MAP7: variants seen among roughly 807,000 people sequenced by gnomAD.
MAP7 encodes the protein ensconsin.
A neutral mutation model predicts 94.8 loss-of-function variants in MAP7; 52 were observed. The observed-to-expected ratio is 0.55, with a 90% CI of 0.44 to 0.69. The LOEUF is 0.69. MAP7 is among the 30% of genes least tolerant of loss of function. The pLI is 0.00. For missense variants in MAP7, 940 were observed against 964.6 expected (o/e 0.97, Z 0.34); for synonymous variants, 350 against 357.0 (o/e 0.98, Z 0.22).
intron 3 of MAP7, among the ~76,000 whole-genome samples, chr6:136,406,160 G>A (rs1360498041): frequency 1.3e-5 from 2 of 151,976 alleles, no homozygotes; most frequent in Admixed American, 6.6e-5. Flanking sequence ...AAGAGAAATC[G>A]GTAACCAGGA....
chr6:136,357,552 T>G (rs1352277143), intron 15 of MAP7, among the ~76,000 whole-genome samples: 1 of 152,206 alleles, frequency 6.6e-6, no homozygotes, highest in East Asian at 1.9e-4. Context: ...TGCAGTGCAG[T>G]GGTGTGATCA....
intron 1 of MAP7, among the ~76,000 whole-genome samples, chr6:136,477,410 A>G (rs1372423823): frequency 6.6e-6 from 1 of 152,190 alleles, no homozygotes; most frequent in Admixed American, 6.5e-5. Context: ...ACAATACATA[A>G]TCTTGATTTT....
chr6:136,504,802 C>G (rs1820891978), intron 1 of MAP7, among the ~76,000 whole-genome samples: 1 of 152,204 alleles, frequency 6.6e-6, no homozygotes, highest in Admixed American at 6.5e-5. Flanking sequence ...TGCCCAGCCT[C>G]CCAAGGAGCT....
chr6:136,421,780 C>T lies in MAP7; in HGVS notation c.87G>A (p.Val29=), dbSNP rs1172083213. 6.2e-7 allele frequency: 1 copy of T among 1,612,410 alleles called. No individual in the cohort carries two copies. Among genetic ancestry groups the T allele is most frequent in the Admixed American group, 1.7e-5 (1 of 59,670 alleles). Residue 29 remains valine (V), a synonymous_variant, in exon 2 of 18, where the codon GTG becomes GTA. Coordinates refer to ENST00000354570, the MANE Select transcript of MAP7 (RefSeq NM_003980.6). ...GGCTGGAGGCATTTTTCTTATCTTG[C>T]ACTTTGTAGCTGTCGGGTGCTACAG... ...RSETAPDSYK[V]QDKKNASSRP...
At position 136,352,648 on chromosome 6, in the gene MAP7, G is replaced by GT. The variant is rs1287649295; in HGVS notation, c.2015+4043dup. Among the ~76,000 whole-genome samples, 3 of 152,064 alleles carry GT rather than the reference G, an allele frequency of 2.0e-5. No individual in the cohort carries two copies. The East Asian group carries it at 5.8e-4, about 29-fold the overall frequency. ...TAAATTTTCTCCGGTTTAAATCTAT[G>GT]TTTTTTTCCTTCTGATTAGACCCCG... On this transcript the variant is annotated intron_variant, in intron 16 of 17. Coordinates refer to ENST00000354570, the MANE Select transcript of MAP7 (RefSeq NM_003980.6).
rs1790863812 is a variant in MAP7 at position 136,420,221 on chromosome 6, C to G, written c.166+1480G>C. 18 of 1,051,948 alleles carry G rather than the reference C, an allele frequency of 1.7e-5. No homozygotes were observed. In the South Asian group the frequency reaches 2.3e-4, roughly 13 times the overall value. The allele number at this position is 1,051,948 out of a possible 1,614,324, so 65.2% of individuals were successfully genotyped here. A position where few individuals can be genotyped will look rare whatever the true frequency, so the allele number is the denominator to read the frequency against. ...ATCTTGTGTTCAGGCATTTCAGAGC[C>G]AGGAACATAGAAATCTGACAGGGCC... On this transcript the variant is annotated intron_variant, in intron 2 of 17. Transcript: ENST00000354570.
chr6:136,418,044 C>CT (rs1479515109), intron 2 of MAP7, among the ~76,000 whole-genome samples: 4 of 152,206 alleles, frequency 2.6e-5, no homozygotes, highest in African/African-American at 7.2e-5. Context: ...CCATCTCCCA[C>CT]TTCTTCAGGA....
rs1387864406 is a variant in MAP7, at chr6:136,505,441, T to C, written c.67+44901A>G. Among the ~76,000 whole-genome samples, 2 of 151,446 alleles carry C rather than the reference T, an allele frequency of 1.3e-5. 1 individual carries two copies. The highest frequency in any genetic ancestry group is 4.9e-5 in the African/African-American group (2 of 41,114). On this transcript the variant is annotated intron_variant, in intron 1 of 17. Coordinates refer to ENST00000354570, the MANE Select transcript of MAP7 (RefSeq NM_003980.6). ...ATTTTAGTGTCCCCATTTTTGTGTG[T>C]CTGATGTAAAAGTACTGTTTGCCTC...
chr6:136,403,016 T>C (rs76840205), intron 3 of MAP7, among the ~76,000 whole-genome samples: 3 of 150,636 alleles, frequency 2.0e-5, no homozygotes, highest in Non-Finnish European at 3.0e-5. Flanking sequence ...ACTAAAATAA[T>C]GGAGTTTTGC....
At chr6:136,380,125 G>C (rs985017392) in intron 6 of MAP7, among the ~76,000 whole-genome samples, 1 of 152,138 alleles carries the variant, frequency 6.6e-6, no homozygotes, top group Non-Finnish European at 1.5e-5. Flanking sequence ...TCCTATTTAA[G>C]CACTTAAAAT....
intron 16 of MAP7, among the ~76,000 whole-genome samples, chr6:136,349,335 T>C (rs932199287): frequency 6.6e-6 from 1 of 152,208 alleles, no homozygotes; most frequent in Non-Finnish European, 1.5e-5. Context: ...TATATATTCA[T>C]TTATAAAATT....
At chr6:136,420,826 A>T (rs1209089237) in intron 2 of MAP7, among the ~76,000 whole-genome samples, 1 of 152,012 alleles carries the variant, frequency 6.6e-6, no homozygotes, top group African/African-American at 2.4e-5. Flanking sequence ...GAAAAAAAAA[A>T]AATTCACAAA....
chr6:136,453,055 T>C (rs1384019293), intron 1 of MAP7, among the ~76,000 whole-genome samples: 2 of 152,188 alleles, frequency 1.3e-5, no homozygotes, highest in Non-Finnish European at 1.5e-5. Context: ...GGAGATTCAG[T>C]TGGTATTCCC....
intron 1 of MAP7, among the ~76,000 whole-genome samples, chr6:136,456,963 T>C (rs1803459133): frequency 6.9e-6 from 1 of 144,654 alleles, no homozygotes; most frequent in African/African-American, 2.5e-5. Context: ...GTAATAATGA[T>C]CAGAGCAGGA....
intron 1 of MAP7, among the ~76,000 whole-genome samples, chr6:136,545,746 A>T (rs1264423429): frequency 1.4e-5 from 2 of 145,904 alleles, no homozygotes; most frequent in East Asian, 4.1e-4. Context: ...TTTATTTTTT[A>T]AATTAAAACA....
chr6:136,404,087 A>G (rs996196161), intron 3 of MAP7, among the ~76,000 whole-genome samples: 6 of 152,254 alleles, frequency 3.9e-5, no homozygotes, highest in African/African-American at 1.4e-4. Context: ...TAAAGAGGAA[A>G]GTCTCTTGTT....
At chr6:136,407,646 T>C (rs1286583824) in intron 3 of MAP7, among the ~76,000 whole-genome samples, 2 of 152,180 alleles carry the variant, frequency 1.3e-5, no homozygotes, top group African/African-American at 4.8e-5. Context: ...GGCTAGTTGA[T>C]AGTAGATAGT....
At chr6:136,511,453 G>C (rs1210842634) in intron 1 of MAP7, among the ~76,000 whole-genome samples, 2 of 151,994 alleles carry the variant, frequency 1.3e-5, no homozygotes, top group African/African-American at 4.8e-5. Context: ...TGTGCACCAG[G>C]AACTGTCTAC....
At chr6:136,377,711 G>T (rs914803090) in intron 7 of MAP7, 44 bp downstream of exon 7, 10 of 1,405,542 alleles carry the variant, frequency 7.1e-6, no homozygotes, top group Non-Finnish European at 1.0e-5. Flanking sequence ...GCTTCAAAGG[G>T]AGGACTTGAC....
Sources: gnomAD v4.1 joint callset for allele counts (sites outside exome capture counted in the v4.1 genomes callset) on GRCh38, gnomAD v4.1.1 for gene constraint, MANE v1.5 for transcripts, NCBI Gene and HGNC (gene_info 2026-07-23, HGNC 2026-07-21) for gene names.